The following MIA2 variants were observed in gnomAD, a reference collection of about 807,000 sequenced individuals.
The protein encoded by MIA2 is melanoma inhibitory activity protein 2.
In MIA2, 127 loss-of-function variants were observed where a neutral mutation model predicts 167.8. The observed-to-expected ratio is 0.76, with a 90% CI of 0.66 to 0.88. The LOEUF is 0.88. Among genes scored for constraint, MIA2 ranks in the 40% least tolerant of loss-of-function variants. MIA2 has a pLI of 0.00. For missense variants in MIA2, 1,690 were observed against 1,624.7 expected (o/e 1.04, Z -0.69); for synonymous variants, 552 against 541.9 (o/e 1.02, Z -0.26).
Position 39,326,896 on chromosome 14 carries a change from C to G in MIA2, c.3529C>G (p.Gln1177Glu), listed in dbSNP as rs545600752. The G allele has an allele frequency of 8.8e-6, 14 of 1,595,244 alleles. No individual in the cohort carries two copies. Among genetic ancestry groups the G allele is most frequent in the Middle Eastern group, 3.3e-4 (2 of 6,006 alleles). The change falls in exon 25 of 29, where the codon CAG becomes GAG. Residue 1177 changes from glutamine to glutamate, a missense_variant. Physicochemically the swap from Gln to Glu is conservative, Grantham distance 29. Transcript: ENST00000640607. ...AGGCCCAGGGAATCCTCTGGACCAT[C>G]AGATTACCAATGAAAGAGGAGAATC... ...SRGPGNPLDHQITNERGESSC... is the reference protein window; with the variant it reads ...SRGPGNPLDHEITNERGESSC...
At chr14:39,263,329 T>C (rs1352747046) in intron 6 of MIA2, among the ~76,000 whole-genome samples, 1 of 152,116 alleles carries the variant, frequency 6.6e-6, no homozygotes, top group African/African-American at 2.4e-5. Flanking sequence ...TATTGATTTG[T>C]GTATGTTGAA....
intron 23 of MIA2, among the ~76,000 whole-genome samples, chr14:39,373,819 TAAAAATAAAAAATA>T (rs200898323): frequency 6.6e-6 from 1 of 151,612 alleles, no homozygotes; most frequent in Admixed American, 6.6e-5. Flanking sequence ...AGAGTTGGTC[TAAAAATAAAAAATA>T]AAAAATAAAA....
intron 13 of MIA2, among the ~76,000 whole-genome samples, chr14:39,298,794 C>T (rs567340901): frequency 6.0e-5 from 9 of 149,794 alleles, no homozygotes; most frequent in East Asian, 2.0e-4. Context: ...TATGAGAATT[C>T]CTTTCTTGGT....
intron 7 of MIA2, among the ~76,000 whole-genome samples, chr14:39,278,971 G>A (rs1024207989): frequency 6.6e-6 from 1 of 152,020 alleles, no homozygotes; most frequent in African/African-American, 2.4e-5. Context: ...GACCAGCCTG[G>A]CCAACATGGT....
chr14:39,261,892 C>A (rs1279615074), intron 6 of MIA2, among the ~76,000 whole-genome samples: 1 of 152,000 alleles, frequency 6.6e-6, no homozygotes, highest in African/African-American at 2.4e-5. Flanking sequence ...GGATATTAGC[C>A]CTTTGTCAGA....
chr14:39,269,143 A>G (rs2056661449), intron 6 of MIA2: 4 of 764,344 alleles, frequency 5.2e-6, no homozygotes, highest in African/African-American at 4.2e-5. Flanking sequence ...ATGGCACAAC[A>G]TTGTTCCGCT....
chr14:39,341,799 A>G (rs575756123), intron 25 of MIA2, among the ~76,000 whole-genome samples: 1 of 152,226 alleles, frequency 6.6e-6, no homozygotes, highest in East Asian at 1.9e-4. Flanking sequence ...AAAGCAGTCA[A>G]TACTATATTT....
At chr14:39,381,500 CTTGAT>C (rs1346192973) in intron 23 of MIA2, among the ~76,000 whole-genome samples, 22 of 152,116 alleles carry the variant, frequency 1.4e-4, no homozygotes, top group Admixed American at 1.4e-3. Context: ...CCAGAAAGGA[CTTGAT>C]TTAAGGACCA....
downstream of MIA2, among the ~76,000 whole-genome samples, chr14:39,354,511 G>T (rs1567044544): frequency 6.6e-6 from 1 of 152,154 alleles, no homozygotes; most frequent in Admixed American, 6.5e-5. Context: ...TTTGTAGGTT[G>T]CCTGTTTATT....
At chr14:39,355,415 T>C (rs868076533), downstream of MIA2, among the ~76,000 whole-genome samples, 39 of 152,324 alleles carry the variant, frequency 2.6e-4, no homozygotes, top group Middle Eastern at 6.8e-3. Flanking sequence ...ATCCTGAGAC[T>C]TTGCTGAAGT....
rs574798786 is a variant in MIA2, at chr14:39,261,649, CTGT to C, written c.1887+8483_1887+8485del. ...TATTTCTCCACATCCTCTCCAGCACCTGTTGTTTCCTGACTTTTTAATGATCAC... is the reference window on the plus strand; with the variant it reads ...TATTTCTCCACATCCTCTCCAGCACCTGTTTCCTGACTTTTTAATGATCAC... On this transcript the variant is annotated intron_variant, in intron 6 of 28. Coordinates refer to ENST00000640607, the MANE Select transcript of MIA2 (RefSeq NM_001329214.4). Among the ~76,000 whole-genome samples, 34 of 152,270 alleles carry C rather than the reference CTGT, an allele frequency of 2.2e-4. No individual in the cohort carries two copies. In the East Asian group the frequency reaches 3.1e-3, roughly 14 times the overall value.
At chr14:39,385,046 T>G (rs2075247516) in intron 23 of MIA2, among the ~76,000 whole-genome samples, 1 of 152,146 alleles carries the variant, frequency 6.6e-6, no homozygotes, top group Admixed American at 6.5e-5. Flanking sequence ...ACTTAAAACT[T>G]ATTAAGACAA....
At chr14:39,316,895 C>G (rs117993459) in intron 21 of MIA2, among the ~76,000 whole-genome samples, 2 of 152,186 alleles carry the variant, frequency 1.3e-5, no homozygotes, top group Non-Finnish European at 2.9e-5. Flanking sequence ...GAGACACTGA[C>G]TTGTAAAGAT....
At position 39,314,810 on chromosome 14, in the gene MIA2, A is replaced by C. The variant is rs2415539; in HGVS notation, c.3180+11A>C. 1.9e-6 allele frequency: 2 copies of C among 1,065,142 alleles called. No homozygotes were observed. Among genetic ancestry groups the C allele is most frequent in the Non-Finnish European group, 1.3e-6 (1 of 743,824 alleles). 66.0% of individuals were successfully genotyped at this position (1,065,142 alleles called of 1,614,324 possible). A position where few individuals can be genotyped will look rare whatever the true frequency, so the allele number is the denominator to read the frequency against. On this transcript the variant is annotated intron_variant, in intron 20 of 28. Coordinates refer to ENST00000640607, the MANE Select transcript of MIA2 (RefSeq NM_001329214.4). Reference sequence around the variant, plus strand: ...TCTTATCAAGGGCAGGTATATATATATGTGTGTGTGTGTGTGTGTGTGTGT... The same window carrying C: ...TCTTATCAAGGGCAGGTATATATATCTGTGTGTGTGTGTGTGTGTGTGTGT...
rs748571981 is a variant in MIA2 at position 39,346,011 on chromosome 14, T to C, written c.3763T>C (p.Ser1255Pro). 6.2e-7 allele frequency: 1 copy of C among 1,612,604 alleles called. No individual in the cohort carries two copies. Among genetic ancestry groups the C allele is most frequent in the Non-Finnish European group, 8.5e-7 (1 of 1,178,938 alleles). ...PAELRSFNMP[S>P]LDKMDGSMPS... ...AGAACTCAGAAGTTTTAATATGCCT[T>C]CTTTGGATAAAATGGGTAAGAAGTA... Residue 1255 changes from serine (S) to proline (P), a missense_variant, in exon 26 of 29, where the codon TCT (serine) becomes CCT (proline). Coordinates refer to ENST00000640607, the MANE Select transcript of MIA2 (RefSeq NM_001329214.4).
chr14:39,324,330 G>C (rs1310112312), intron 24 of MIA2, among the ~76,000 whole-genome samples: 1 of 152,096 alleles, frequency 6.6e-6, no homozygotes, highest in African/African-American at 2.4e-5. Context: ...TTCTTCTAAT[G>C]AGCTAATTAT....
At chr14:39,356,554 T>G (rs2074532013) in intron 23 of MIA2, among the ~76,000 whole-genome samples, 2 of 152,342 alleles carry the variant, frequency 1.3e-5, no homozygotes, top group Non-Finnish European at 2.9e-5. Flanking sequence ...CTCTATCTCC[T>G]TCAGTTCTGC....
intron 6 of MIA2, chr14:39,267,392 C>A: frequency 1.2e-6 from 2 of 1,606,396 alleles, no homozygotes; most frequent in South Asian, 2.2e-5. Flanking sequence ...GCTGTGTGTT[C>A]TCCGCCGTTT....
intron 23 of MIA2, 117 bp downstream of exon 23, chr14:39,319,408 T>C: frequency 2.1e-6 from 1 of 472,910 alleles, no homozygotes; most frequent in South Asian, 9.9e-5. Flanking sequence ...ATATTTTAGA[T>C]TTTAGAACCA....
Sources: gnomAD v4.1 joint callset for allele counts (sites outside exome capture counted in the v4.1 genomes callset) on GRCh38, gnomAD v4.1.1 for gene constraint, MANE v1.5 for transcripts, NCBI Gene and HGNC (gene_info 2026-07-23, HGNC 2026-07-21) for gene names.